PTPRC: variants seen among roughly 807,000 people sequenced by gnomAD.
The protein encoded by PTPRC is receptor-type tyrosine-protein phosphatase C.
In PTPRC, 44 loss-of-function variants were observed where a neutral mutation model predicts 155.9. The ratio of observed to expected loss-of-function variants is 0.28; its 90% CI spans 0.22 to 0.36. The LOEUF is 0.36. Ranked by LOEUF, PTPRC falls within the 10% of genes least tolerant of loss-of-function variation. The pLI, the probability that PTPRC is intolerant of heterozygous loss-of-function variation, is 1.00. For missense variants in PTPRC, 1,401 were observed against 1,564.6 expected (o/e 0.90, Z 1.76); for synonymous variants, 525 against 533.1 (o/e 0.98, Z 0.21).
chr1:198,685,880 C>G (rs1396577158), intron 2 of PTPRC, among the ~76,000 whole-genome samples: 2 of 151,980 alleles, frequency 1.3e-5, no homozygotes, highest in East Asian at 3.8e-4. Context: ...TACCCTTCTG[C>G]CCTTGTACTT....
chr1:198,736,953 C>T (rs902702945), intron 23 of PTPRC, among the ~76,000 whole-genome samples: 1 of 151,528 alleles, frequency 6.6e-6, no homozygotes, highest in Admixed American at 6.6e-5. Flanking sequence ...ATGTTGACCA[C>T]CTTTTTATTT....
intron 2 of PTPRC, among the ~76,000 whole-genome samples, chr1:198,678,772 C>T (rs1665108822): frequency 6.6e-6 from 1 of 151,876 alleles, no homozygotes; most frequent in Non-Finnish European, 1.5e-5. Flanking sequence ...TTGTAACCTC[C>T]CTTAAAGATT....
intron 18 of PTPRC, 33 bp from the exon 19 acceptor site, chr1:198,732,262 GAATCT>G (rs1654425922): frequency 6.7e-7 from 1 of 1,495,002 alleles, no homozygotes; most frequent in Non-Finnish European, 9.3e-7. Context: ...TATTTTTCCT[GAATCT>G]GCTGTGATCC....
At chr1:198,648,853 AC>A (rs1663081548) in intron 2 of PTPRC, among the ~76,000 whole-genome samples, 2 of 151,758 alleles carry the variant, frequency 1.3e-5, no homozygotes, top group Non-Finnish European at 2.9e-5. Context: ...ATTTTCCCCC[AC>A]CCAACTCATT....
chr1:198,739,048 A>AC (rs1192844401), intron 23 of PTPRC, among the ~76,000 whole-genome samples: 1 of 151,788 alleles, frequency 6.6e-6, no homozygotes, highest in African/African-American at 2.4e-5. Flanking sequence ...AGATATGATA[A>AC]CCCCAAATCC....
chr1:198,709,973 C>G, intron 11 of PTPRC, 149 bp downstream of exon 11: 1 of 1,107,236 alleles, frequency 9.0e-7, no homozygotes, highest in Non-Finnish European at 1.3e-6. Flanking sequence ...CGCAATTTAT[C>G]TATTTTTACT....
chr1:198,697,771 A>T (rs937755032), intron 4 of PTPRC, among the ~76,000 whole-genome samples: 5 of 152,246 alleles, frequency 3.3e-5, no homozygotes, highest in Admixed American at 6.5e-5. Context: ...TCTTCGTTTG[A>T]AAAACAAGCA....
rs1655666187 is a variant in PTPRC at position 198,756,399 on chromosome 1, T to G, written c.*218T>G. 1.6e-6 allele frequency: 1 copy of G among 618,146 alleles called. No individual in the cohort carries two copies. The highest frequency in any genetic ancestry group is 3.0e-5 in the East Asian group (1 of 33,076). The allele number at this position is 618,146 out of a possible 1,614,324, so 38.3% of individuals were successfully genotyped here. A position where few individuals can be genotyped will look rare whatever the true frequency, so the allele number is the denominator to read the frequency against. On this transcript the variant is annotated 3_prime_UTR_variant, in exon 33 of 33. Transcript: ENST00000442510. Reference sequence around the variant, plus strand: ...GCTTATTTTAAAATTTTATCTCTTATTCAGTAAAAAACAACTTCTTTGTAA... The same window carrying G: ...GCTTATTTTAAAATTTTATCTCTTAGTCAGTAAAAAACAACTTCTTTGTAA...
At chr1:198,707,884 T>A (rs1571856670) in intron 9 of PTPRC, among the ~76,000 whole-genome samples, 1 of 152,232 alleles carries the variant, frequency 6.6e-6, no homozygotes, top group African/African-American at 2.4e-5. Flanking sequence ...TGCATTTCAT[T>A]TTTTAACGTG....
intron 20 of PTPRC, among the ~76,000 whole-genome samples, chr1:198,732,815 T>A (rs1039441241): frequency 6.6e-6 from 1 of 151,928 alleles, no homozygotes; most frequent in African/African-American, 2.4e-5. Flanking sequence ...TATTATGTGC[T>A]AGATATTAGA....
intron 3 of PTPRC, chr1:198,692,934 T>C: frequency 1.1e-6 from 1 of 913,780 alleles, no homozygotes. Flanking sequence ...ACAGAGATGC[T>C]GCAAATAAAT....
At chr1:198,711,847 T>C (rs1653327334) in intron 11 of PTPRC, among the ~76,000 whole-genome samples, 1 of 152,170 alleles carries the variant, frequency 6.6e-6, no homozygotes, top group South Asian at 2.1e-4. Flanking sequence ...ACACAGGTGG[T>C]TAATAAGCAC....
At chr1:198,724,173 T>C (rs1016527833) in intron 15 of PTPRC, among the ~76,000 whole-genome samples, 3 of 152,234 alleles carry the variant, frequency 2.0e-5, no homozygotes, top group African/African-American at 7.2e-5. Context: ...CAACATTGTA[T>C]TCACTCTCTG....
intron 2 of PTPRC, among the ~76,000 whole-genome samples, chr1:198,684,661 G>C (rs952698775): frequency 6.6e-6 from 1 of 151,580 alleles, no homozygotes; most frequent in East Asian, 1.9e-4. Context: ...TTGTAGTGCT[G>C]TTTCTTTAAA....
chr1:198,728,514 T>C, intron 16 of PTPRC, 66 bp downstream of exon 16: 1 of 1,564,104 alleles, frequency 6.4e-7, no homozygotes, highest in Non-Finnish European at 8.7e-7. Context: ...CATATCCATA[T>C]GGCAGTGATG....
intron 15 of PTPRC, among the ~76,000 whole-genome samples, chr1:198,725,690 A>AT (rs973517466): frequency 6.6e-6 from 1 of 151,766 alleles, no homozygotes; most frequent in African/African-American, 2.4e-5. Flanking sequence ...CCCTGGTAGT[A>AT]TTTTTTCAAG....
intron 2 of PTPRC, among the ~76,000 whole-genome samples, chr1:198,661,061 C>A (rs1440335862): frequency 6.6e-6 from 1 of 152,004 alleles, no homozygotes; most frequent in Non-Finnish European, 1.5e-5. Context: ...CTAAAAACTA[C>A]ATTAAGAAAA....
Position 198,706,961 on chromosome 1 carries a change from C to A in PTPRC, c.904+9C>A. On this transcript the variant is annotated intron_variant, in intron 9 of 32. Coordinates refer to ENST00000442510, the MANE Select transcript of PTPRC (RefSeq NM_002838.5). The stretch of plus-strand genomic sequence containing the variant: ...ATTAGATGTGCCACCAGGTAAATAT[C>A]AATTTATTTCTTTTAATAAATTTAT... 1 of 1,564,270 alleles carries A rather than the reference C, an allele frequency of 6.4e-7. No individual in the cohort carries two copies. The highest frequency in any genetic ancestry group is 8.8e-7 in the Non-Finnish European group (1 of 1,135,354).
In PTPRC at chr1:198,696,791, A is replaced by G. The variant is rs761764418; in HGVS notation, c.180A>G (p.Ala60=). The G allele has an allele frequency of 1.2e-6, 2 of 1,614,066 alleles. No homozygotes were observed. The highest frequency in any genetic ancestry group is 1.1e-5 in the South Asian group (1 of 91,084). ...LPTHTTAFSP[A]STFERENDFS... ...CTCACACCACTGCATTCTCACCCGC[A>G]AGCACCTTTGAAAGAGAAAATGACT... Residue 60 remains alanine, a synonymous_variant, in exon 4 of 33, where the codon GCA becomes GCG. Transcript: ENST00000442510.
Sources: gnomAD v4.1 joint callset for allele counts (sites outside exome capture counted in the v4.1 genomes callset) on GRCh38, gnomAD v4.1.1 for gene constraint, MANE v1.5 for transcripts, NCBI Gene and HGNC (gene_info 2026-07-23, HGNC 2026-07-21) for gene names.